Variants in GMEB1 observed in about 807,000 individuals in gnomAD.
GMEB1 encodes the protein glucocorticoid modulatory element-binding protein 1.
Under a neutral mutation model 52.4 loss-of-function variants are expected in GMEB1, and 6 were observed. That is an observed-to-expected ratio of 0.11 (90% CI 0.06 to 0.23). GMEB1 has a LOEUF of 0.23. Among genes scored for constraint, GMEB1 ranks in the 10% least tolerant of loss-of-function variants. The probability of loss-of-function intolerance (pLI) is 1.00; values close to 1 mark genes in which losing one functional copy is unlikely to be tolerated. For missense variants in GMEB1, 486 were observed against 685.6 expected (o/e 0.71, Z 3.25); for synonymous variants, 255 against 244.9 (o/e 1.04, Z -0.38).
intron 1 of GMEB1, among the ~76,000 whole-genome samples, chr1:28,671,919 C>T (rs1319126809): frequency 6.6e-6 from 1 of 151,398 alleles, no homozygotes; most frequent in Non-Finnish European, 1.5e-5. Flanking sequence ...GAGTTTGAGA[C>T]CCACCTGGCC....
At position 28,710,651 on chromosome 1, in the gene GMEB1, A is replaced by G; in HGVS notation, c.991+9A>G. On this transcript the variant is annotated intron_variant, in intron 9 of 9. Transcript: ENST00000373816. ...TCTCTATACTCTGACAGGTATGTATAAGTTATCGCTCTTCTTCGGTGATAT... is the reference window on the plus strand; with the variant it reads ...TCTCTATACTCTGACAGGTATGTATGAGTTATCGCTCTTCTTCGGTGATAT... 1 of 1,539,604 alleles carries G rather than the reference A, an allele frequency of 6.5e-7. No homozygotes were observed. The highest frequency in any genetic ancestry group is 8.7e-7 in the Non-Finnish European group (1 of 1,143,808).
At chr1:28,710,688 T>G in intron 9 of GMEB1, 46 bp downstream of exon 9, 5 of 1,342,432 alleles carry the variant, frequency 3.7e-6, no homozygotes, top group Non-Finnish European at 3.9e-6. Context: ...ATGCTAATAT[T>G]CTTGTCTTCC....
chr1:28,668,457 A>G (rs545677172), upstream of GMEB1, among the ~76,000 whole-genome samples: 29 of 152,260 alleles, frequency 1.9e-4, 2 homozygotes, highest in South Asian at 5.4e-3. Flanking sequence ...TAAATGGAGT[A>G]GAGTCCTCCA....
intron 1 of GMEB1, among the ~76,000 whole-genome samples, chr1:28,671,737 A>G (rs926940695): frequency 2.7e-5 from 4 of 150,582 alleles, no homozygotes; most frequent in Admixed American, 6.6e-5. Context: ...GAGTGAGACT[A>G]TGTCTCACTA....
At chr1:28,701,965 C>G (rs952417370) in intron 6 of GMEB1, among the ~76,000 whole-genome samples, 1 of 152,154 alleles carries the variant, frequency 6.6e-6, no homozygotes, top group Non-Finnish European at 1.5e-5. Context: ...CTTTTACTTT[C>G]TCTTTATAGG....
intron 2 of GMEB1, among the ~76,000 whole-genome samples, chr1:28,687,668 T>A (rs1430485294): frequency 1.3e-5 from 2 of 152,090 alleles, no homozygotes; most frequent in East Asian, 3.9e-4. Flanking sequence ...TGTAGAAGAT[T>A]AGTTAGATGC....
Position 28,714,404 on chromosome 1 carries a change from G to C in GMEB1, c.1323G>C (p.Val441=), listed in dbSNP as rs536823853. The change falls in exon 10 of 10, where the codon GTG becomes GTC. Residue 441 remains valine, a synonymous_variant. Transcript: ENST00000373816. The part of the protein sequence containing the change: ...SGPQLFRYAT[V]VSSAKSSSPD... ...CTCAGCTCTTCCGCTATGCCACAGTGGTCTCCTCTGCCAAGAGCAGCTCAC... is the reference window on the plus strand; with the variant it reads ...CTCAGCTCTTCCGCTATGCCACAGTCGTCTCCTCTGCCAAGAGCAGCTCAC... The C allele has an allele frequency of 3.1e-6, 5 of 1,614,154 alleles. No individual in the cohort carries two copies. In the Admixed American group the frequency reaches 8.3e-5, roughly 27 times the overall value.
intron 8 of GMEB1, among the ~76,000 whole-genome samples, chr1:28,704,999 C>T (rs374087937): frequency 6.7e-6 from 1 of 150,364 alleles, no homozygotes; most frequent in East Asian, 2.0e-4. Context: ...AGGAGAATCA[C>T]TTGAGCCCAG....
At chr1:28,682,933 A>G (rs574222603) in intron 1 of GMEB1, among the ~76,000 whole-genome samples, 135 of 152,308 alleles carry the variant, frequency 8.9e-4, no homozygotes, top group African/African-American at 3.2e-3. Flanking sequence ...TACGCCCAGC[A>G]TCGCTGATTT....
chr1:28,707,564 C>T (rs924254864), intron 8 of GMEB1, among the ~76,000 whole-genome samples: 3 of 152,070 alleles, frequency 2.0e-5, no homozygotes, highest in African/African-American at 7.2e-5. Flanking sequence ...AAGAAAGATA[C>T]CGGGATGATT....
At chr1:28,674,450 A>C (rs181791117) in intron 1 of GMEB1, among the ~76,000 whole-genome samples, 1 of 152,032 alleles carries the variant, frequency 6.6e-6, no homozygotes, top group Non-Finnish European at 1.5e-5. Flanking sequence ...CCCATGTACA[A>C]AGGCACAATC....
intron 9 of GMEB1, among the ~76,000 whole-genome samples, chr1:28,711,759 TA>T (rs2124591509): frequency 6.6e-6 from 1 of 152,272 alleles, no homozygotes; most frequent in South Asian, 2.1e-4. Context: ...TCAGCCCTAT[TA>T]GTATTTTTCA....
intron 2 of GMEB1, among the ~76,000 whole-genome samples, chr1:28,685,349 A>G (rs1669590714): frequency 6.6e-6 from 1 of 151,912 alleles, no homozygotes; most frequent in East Asian, 1.9e-4. Context: ...AGCTGGCACT[A>G]CAGGCTCTTG....
intron 8 of GMEB1, among the ~76,000 whole-genome samples, chr1:28,707,337 T>G (rs1419259552): frequency 2.0e-5 from 3 of 152,044 alleles, no homozygotes; most frequent in Admixed American, 2.0e-4. Context: ...TTTAAGAGAT[T>G]GTTCTGGTTG....
chr1:28,696,044 G>GCTTA (rs1670193913), intron 5 of GMEB1, among the ~76,000 whole-genome samples: 1 of 54,658 alleles, frequency 1.8e-5, no homozygotes, highest in Admixed American at 2.4e-4. Context: ...TATTTTTATT[G>GCTTA]TTTGTTTATT....
Position 28,710,568 on chromosome 1 carries a change from C to T in GMEB1, c.917C>T (p.Thr306Ile), listed in dbSNP as rs1216510921. The T allele has an allele frequency of 6.2e-7, 1 of 1,610,546 alleles. No individual in the cohort carries two copies. Residue 306 changes from threonine to isoleucine, a missense_variant, in exon 9 of 10, where the codon ACA becomes ATA. Transcript: ENST00000373816. The part of the protein sequence containing the change: ...NVAHTFGLMD[T>I]VKKVLDNRRN... ...GCACACACATTTGGCCTAATGGACA[C>T]AGTCAAGAAGGTTTTAGACAACAGA...
intron 7 of GMEB1, among the ~76,000 whole-genome samples, chr1:28,703,843 G>A (rs545531296): frequency 9.9e-5 from 15 of 151,614 alleles, no homozygotes; most frequent in South Asian, 6.3e-4. Flanking sequence ...TAAATATCTC[G>A]TTTTTAAATT....
chr1:28,686,441 C>T (rs1669643841), intron 2 of GMEB1, among the ~76,000 whole-genome samples: 1 of 151,860 alleles, frequency 6.6e-6, no homozygotes. Context: ...CCAGCCTGGC[C>T]AACATGGTGA....
intron 2 of GMEB1, among the ~76,000 whole-genome samples, chr1:28,686,081 C>T (rs1050499028): frequency 6.6e-6 from 1 of 152,170 alleles, no homozygotes; most frequent in East Asian, 1.9e-4. Context: ...TGGCTCATGC[C>T]TGTAATCCTA....
Sources: gnomAD v4.1 joint callset for allele counts (sites outside exome capture counted in the v4.1 genomes callset) on GRCh38, gnomAD v4.1.1 for gene constraint, MANE v1.5 for transcripts, NCBI Gene and HGNC (gene_info 2026-07-23, HGNC 2026-07-21) for gene names.